Variants in RNF128 observed in about 807,000 individuals in gnomAD.
RNF128 encodes ring finger protein 128.
Under a neutral mutation model 26.2 loss-of-function variants are expected in RNF128, and 13 were observed. The ratio of observed to expected loss-of-function variants is 0.50; its 90% CI spans 0.32 to 0.79. The LOEUF (loss-of-function observed/expected upper bound fraction) is 0.79. Ranked by LOEUF, RNF128 falls within the 30% of genes least tolerant of loss-of-function variation. The pLI is 0.03. For synonymous variants in RNF128, 149 were observed against 142.5 expected (o/e 1.05, Z -0.32); for missense variants, 315 against 349.7 (o/e 0.90, Z 0.79).
intron 1 of RNF128, among the ~76,000 whole-genome samples, chrX:106,738,813 G>A (rs759065473): frequency 1.8e-5 from 2 of 111,481 alleles, no homozygotes; most frequent in Admixed American, 9.5e-5. Context: ...ATTGTGAGGT[G>A]TAAATTAAAT....
intron 1 of RNF128, among the ~76,000 whole-genome samples, chrX:106,733,714 T>A (rs187309125): frequency 2.5e-4 from 28 of 111,654 alleles, no homozygotes; most frequent in East Asian, 1.4e-3. Flanking sequence ...TTATTTATTT[T>A]TTTTGAGACA....
At chrX:106,694,432 G>A (rs1322136707) in intron 1 of RNF128, 1 of 1,113,738 alleles carries the variant, frequency 9.0e-7, no homozygotes, top group Non-Finnish European at 1.2e-6. Context: ...GATTCACAAA[G>A]AGAGTTAATG....
chrX:106,781,793 G>T (rs189191025), intron 2 of RNF128, among the ~76,000 whole-genome samples: 2 of 111,739 alleles, frequency 1.8e-5, no homozygotes, highest in African/African-American at 6.5e-5. Context: ...ATCTTTTAGA[G>T]ATCCTTTATA....
At chrX:106,754,155 C>G (rs1211761169) in intron 1 of RNF128, among the ~76,000 whole-genome samples, 2 of 112,042 alleles carry the variant, frequency 1.8e-5, no homozygotes, top group African/African-American at 6.5e-5. Context: ...ACACAATTGT[C>G]TCTTTGGCAC....
chrX:106,695,576 C>T (rs1479162652), intron 1 of RNF128, among the ~76,000 whole-genome samples: 1 of 111,800 alleles, frequency 8.9e-6, no homozygotes. Context: ...TGTGACACAT[C>T]CTGGACACTG....
intron 1 of RNF128, among the ~76,000 whole-genome samples, chrX:106,744,431 C>A (rs1929759797): frequency 9.0e-6 from 1 of 111,109 alleles, no homozygotes; most frequent in Non-Finnish European, 1.9e-5. Flanking sequence ...ATTTTTAATA[C>A]AATTAGGTTA....
chrX:106,742,970 T>A (rs771092844), intron 1 of RNF128, among the ~76,000 whole-genome samples: 7 of 111,281 alleles, frequency 6.3e-5, no homozygotes, highest in Non-Finnish European at 1.3e-4. Flanking sequence ...TATTTCTGTG[T>A]CATGAAATGG....
intron 1 of RNF128, among the ~76,000 whole-genome samples, chrX:106,739,252 C>T (rs745556949): frequency 4.5e-5 from 5 of 110,212 alleles, no homozygotes; most frequent in East Asian, 5.7e-4. Flanking sequence ...CTCTACATCC[C>T]GGGTTCAAGC....
chrX:106,707,460 G>A (rs1929061753), intron 1 of RNF128, among the ~76,000 whole-genome samples: 1 of 111,580 alleles, frequency 9.0e-6, no homozygotes, highest in Non-Finnish European at 1.9e-5. Flanking sequence ...CCAATCAGTG[G>A]TATTGACATG....
intron 1 of RNF128, among the ~76,000 whole-genome samples, chrX:106,740,435 C>G (rs1199920530): frequency 1.8e-5 from 2 of 112,007 alleles, no homozygotes; most frequent in Non-Finnish European, 3.8e-5. Flanking sequence ...AAGGTCATGT[C>G]CCAGTTTCAT....
intron 1 of RNF128, among the ~76,000 whole-genome samples, chrX:106,695,492 C>CA (rs1303966068): frequency 2.7e-5 from 3 of 111,129 alleles, no homozygotes; most frequent in Non-Finnish European, 5.7e-5. Context: ...CGCTAAGCAT[C>CA]AAAAAAACAA....
intron 6 of RNF128, among the ~76,000 whole-genome samples, chrX:106,793,812 A>G (rs1304541305): frequency 1.8e-5 from 2 of 111,238 alleles, no homozygotes; most frequent in Admixed American, 1.9e-4. Flanking sequence ...CAGTGCCCCC[A>G]TATCATACCA....
At chrX:106,714,412 G>C (rs374100716) in intron 1 of RNF128, among the ~76,000 whole-genome samples, 1 of 111,017 alleles carries the variant, frequency 9.0e-6, no homozygotes, top group Non-Finnish European at 1.9e-5. Flanking sequence ...TAAAAATGTA[G>C]ATTTACATGC....
chrX:106,781,208 GAACAAGAT>G (rs1363196918), intron 2 of RNF128, among the ~76,000 whole-genome samples: 7 of 111,719 alleles, frequency 6.3e-5, no homozygotes, highest in African/African-American at 2.3e-4. Flanking sequence ...TACAATTACT[GAACAAGAT>G]AAGAGGTGGA....
intron 1 of RNF128, among the ~76,000 whole-genome samples, chrX:106,755,936 C>T (rs1228590068): frequency 1.8e-5 from 2 of 110,948 alleles, no homozygotes; most frequent in Non-Finnish European, 3.8e-5. Flanking sequence ...TCTTAATACA[C>T]CAACAACAGA....
At chrX:106,743,682 A>C (rs1929741057) in intron 1 of RNF128, among the ~76,000 whole-genome samples, 1 of 112,442 alleles carries the variant, frequency 8.9e-6, no homozygotes, top group Non-Finnish European at 1.9e-5. Flanking sequence ...GACATCCATC[A>C]GTTTTCCAAT....
intron 1 of RNF128, among the ~76,000 whole-genome samples, chrX:106,764,179 A>G (rs1408998886): frequency 3.8e-5 from 4 of 103,987 alleles, no homozygotes; most frequent in African/African-American, 1.4e-4. Flanking sequence ...GTTAGCCAGG[A>G]TAGTCTTGAT....
At chrX:106,730,266 T>G (rs1490431498) in intron 1 of RNF128, among the ~76,000 whole-genome samples, 3 of 112,532 alleles carry the variant, frequency 2.7e-5, no homozygotes, top group Non-Finnish European at 5.6e-5. Flanking sequence ...ATGCAGTTTA[T>G]TTCTGTATTT....
Position 106,796,987 on chromosome X carries a change from A to G in RNF128, c.*1274A>G, listed in dbSNP as rs1569446545. 1 of 112,376 alleles carries G rather than the reference A, an allele frequency of 8.9e-6. No individual in the cohort carries two copies. The highest frequency in any genetic ancestry group is 9.5e-5 in the Admixed American group (1 of 10,527). The allele number at this position is 112,376 out of a possible 1,213,427, so 9.3% of individuals were successfully genotyped here. Reference sequence around the variant, plus strand: ...ATATAAAATGTAAATAAAATATTCCAATAAAAGTTTGTGTCTGGTGTTAGT... The same window carrying G: ...ATATAAAATGTAAATAAAATATTCCGATAAAAGTTTGTGTCTGGTGTTAGT... On this transcript the variant is annotated 3_prime_UTR_variant, in exon 7 of 7. Coordinates refer to ENST00000255499, the MANE Select transcript of RNF128 (RefSeq NM_194463.2).
Sources: gnomAD v4.1 joint callset for allele counts (sites outside exome capture counted in the v4.1 genomes callset) on GRCh38, gnomAD v4.1.1 for gene constraint, MANE v1.5 for transcripts, NCBI Gene and HGNC (gene_info 2026-07-23, HGNC 2026-07-21) for gene names.